Variants in SYNE1 observed in about 807,000 individuals in gnomAD.
SYNE1 encodes spectrin repeat containing nuclear envelope protein 1.
SYNE1 carries 616 observed loss-of-function variants against 1,111.0 expected under a neutral mutation model. That is an observed-to-expected ratio of 0.55 (90% CI 0.52 to 0.59). The LOEUF is 0.59. SYNE1 is among the 20% of genes least tolerant of loss of function. The pLI is 0.00. For synonymous variants in SYNE1, 3,855 were observed against 3,825.8 expected, an observed-to-expected ratio of 1.01 and a Z score of -0.28; for missense variants, 10,006 against 10,417.0, an observed-to-expected ratio of 0.96 and a Z score of 1.72.
At chr6:152,612,444 C>A (rs988144282) in intron 3 of SYNE1, among the ~76,000 whole-genome samples, 5 of 152,076 alleles carry the variant, frequency 3.3e-5, no homozygotes, top group Non-Finnish European at 7.4e-5. Flanking sequence ...AAGACTAAAT[C>A]AGGAAGAAGC....
intron 110 of SYNE1, among the ~76,000 whole-genome samples, chr6:152,235,141 T>C (rs2083703290): frequency 2.0e-5 from 3 of 152,126 alleles, no homozygotes; most frequent in Non-Finnish European, 4.4e-5. Flanking sequence ...AAATCAACCC[T>C]CCACCCCGCT....
intron 131 of SYNE1, among the ~76,000 whole-genome samples, chr6:152,163,189 G>A (rs776020532): frequency 5.9e-5 from 9 of 152,134 alleles, no homozygotes; most frequent in African/African-American, 9.7e-5. Context: ...ACTGGAGTCC[G>A]ATATACTTAG....
At chr6:152,404,420 G>A in intron 45 of SYNE1, 106 bp from the exon 46 acceptor site, 2 of 822,076 alleles carry the variant, frequency 2.4e-6, no homozygotes, top group South Asian at 2.9e-5. Context: ...CCAACTTTAA[G>A]CCAGTGTAAA....
In SYNE1 at chr6:152,502,655, C is replaced by G. The variant is rs139190745; in HGVS notation, c.866G>C (p.Ser289Thr). ...TACATCATCCTCTTGCCCATCAGTG[C>G]TTGCATTGTGGATGTCAGGATAATG... ...LKHYPDIHNASTDGQEDDEIL... is the reference protein window; with the variant it reads ...LKHYPDIHNATTDGQEDDEIL... The change falls in exon 10 of 146, where the codon AGC (serine) becomes ACC (threonine). Residue 289 changes from serine (S) to threonine (T), a missense_variant. Coordinates refer to ENST00000367255, the MANE Select transcript of SYNE1 (RefSeq NM_182961.4). 8.9e-5 allele frequency: 144 copies of G among 1,613,556 alleles called. 2 individuals are homozygous for G. The East Asian group carries it at 2.6e-3, about 29-fold the overall frequency.
rs374839445 is a variant in SYNE1 at position 152,362,281 on chromosome 6, A to C, written c.10188T>G (p.Asp3396Glu). ...TCCAACCGGAGAACTGTCGAACGCCATCCTGATAACTTGTCCACTTGGAGA... is the reference window on the plus strand; with the variant it reads ...TCCAACCGGAGAACTGTCGAACGCCCTCCTGATAACTTGTCCACTTGGAGA... ...GALSKWTSYQ[D>E]GVRQFSGWMD... The change falls in exon 64 of 146, where the codon GAT (aspartate) becomes GAG (glutamate). Residue 3396 changes from aspartate (D) to glutamate (E), a missense_variant. By Grantham distance (45) the Asp-to-Glu change is conservative. Around this residue, in one of 7 missense-constraint regions of SYNE1, gnomAD observed 4,955 missense variants for 5,017.2 expected, o/e 0.99. Transcript: ENST00000367255. 6.2e-6 allele frequency: 10 copies of C among 1,614,234 alleles called. No individual in the cohort carries two copies. The African/African-American group carries it at 1.3e-4, about 22-fold the overall frequency.
Position 152,540,007 on chromosome 6 carries a change from C to T in SYNE1, c.82G>A (p.Val28Ile), listed in dbSNP as rs772909958. ...MQRLQDEQEI[V>I]QKRTFTKWIN... ...CATTTTGTGAAAGTTCGTTTTTGTA[C>T]TATCTCTTGCTCATCTAGAAGGAAA... Residue 28 changes from valine (V) to isoleucine (I), a missense_variant, in exon 4 of 146, where the codon GTA (valine) becomes ATA (isoleucine). Physicochemically the swap from Val to Ile is conservative, Grantham distance 29. Around this residue, in one of 7 missense-constraint regions of SYNE1, gnomAD observed 1,971 missense variants for 2,084.1 expected, o/e 0.95. Transcript: ENST00000367255. 14 of 1,613,798 alleles carry T rather than the reference C, an allele frequency of 8.7e-6. No individual in the cohort carries two copies. The highest frequency in any genetic ancestry group is 3.3e-4 in the Middle Eastern group (2 of 6,058).
At chr6:152,475,113 T>C (rs796626819) in intron 14 of SYNE1, among the ~76,000 whole-genome samples, 1 of 152,230 alleles carries the variant, frequency 6.6e-6, no homozygotes, top group Non-Finnish European at 1.5e-5. Flanking sequence ...ACCTAATCAT[T>C]AAGAACATGG....
In SYNE1 at chr6:152,323,553, T is replaced by C. The variant is rs768333901; in HGVS notation, c.15842A>G (p.Asp5281Gly). The change falls in exon 82 of 146, where the codon GAT (aspartate) becomes GGT (glycine). Residue 5281 changes from aspartate to glycine, a missense_variant. Transcript: ENST00000367255. ...TTCCCCAGGGGTTGGGGCGGCTCCA[T>C]CCTGGAGCATGCTCAGGGTTTGCTG... ...LRQQTLSMLQ[D>G]GAAPTPGEEP... The C allele has an allele frequency of 1.2e-6, 2 of 1,614,098 alleles. No homozygotes were observed. Among genetic ancestry groups the C allele is most frequent in the Non-Finnish European group, 1.7e-6 (2 of 1,180,056 alleles).
chr6:152,367,671 T>C, intron 61 of SYNE1: 1 of 416,568 alleles, frequency 2.4e-6, no homozygotes, highest in South Asian at 2.3e-5. Context: ...ATGCCTTGTC[T>C]GGGAGACTGG....
intron 128 of SYNE1, among the ~76,000 whole-genome samples, chr6:152,187,415 G>T (rs774385753): frequency 6.6e-6 from 1 of 152,150 alleles, no homozygotes; most frequent in Non-Finnish European, 1.5e-5. Context: ...TAAAGTCAGA[G>T]AAAGGGTGGA....
At chr6:152,525,139 A>G (rs1225979678) in intron 5 of SYNE1, among the ~76,000 whole-genome samples, 1 of 152,208 alleles carries the variant, frequency 6.6e-6, no homozygotes, top group Non-Finnish European at 1.5e-5. Flanking sequence ...CGACTGATGC[A>G]AAATTATTAC....
intron 127 of SYNE1, among the ~76,000 whole-genome samples, chr6:152,201,617 T>C (rs374826222): frequency 2.0e-5 from 3 of 152,318 alleles, no homozygotes; most frequent in East Asian, 1.9e-4. Flanking sequence ...ATTTGCTTCC[T>C]TGGAGTAATC....
chr6:152,244,493 T>C lies in SYNE1; in HGVS notation c.19692+44A>G, dbSNP rs761728562. 5 of 1,613,476 alleles carry C rather than the reference T, an allele frequency of 3.1e-6. No individual in the cohort carries two copies. In the Admixed American group the frequency reaches 6.7e-5, roughly 22 times the overall value. ...AAGTGATTTTTTCTAGACTTCAAGT[T>C]TGATGTACCCCTGCAGCTGAATACT... On this transcript the variant is annotated intron_variant, in intron 106 of 145. Coordinates refer to ENST00000367255, the MANE Select transcript of SYNE1 (RefSeq NM_182961.4).
chr6:152,175,299 G>T (rs554646745), intron 130 of SYNE1, among the ~76,000 whole-genome samples: 1 of 152,230 alleles, frequency 6.6e-6, no homozygotes, highest in African/African-American at 2.4e-5. Context: ...GATACTTTTT[G>T]ATAACTCTCT....
chr6:152,280,555 A>G (rs1256484283), intron 97 of SYNE1, among the ~76,000 whole-genome samples: 2 of 152,208 alleles, frequency 1.3e-5, no homozygotes, highest in Admixed American at 6.5e-5. Context: ...CCTGTCTTAA[A>G]GTATGGTCAA....
chr6:152,188,942 A>G (rs1403319284), intron 128 of SYNE1, among the ~76,000 whole-genome samples: 2 of 117,226 alleles, frequency 1.7e-5, no homozygotes, highest in Non-Finnish European at 3.4e-5. Flanking sequence ...TGGGCAAAAG[A>G]GTGAGACTCT....
In SYNE1 at chr6:152,465,837, C is replaced by G. The variant is rs965859406; in HGVS notation, c.1729+145G>C. On this transcript the variant is annotated intron_variant, in intron 17 of 145. Coordinates refer to ENST00000367255, the MANE Select transcript of SYNE1 (RefSeq NM_182961.4). ...TAGGCATTGTACAAAGCCAAGGGAACTGAATCCAGTATGTGTTCTCCTGGC... is the reference window on the plus strand; with the variant it reads ...TAGGCATTGTACAAAGCCAAGGGAAGTGAATCCAGTATGTGTTCTCCTGGC... 28 of 662,846 alleles carry G rather than the reference C, an allele frequency of 4.2e-5. No individual in the cohort carries two copies. The Admixed American group carries it at 6.1e-4, about 14-fold the overall frequency. The allele number at this position is 662,846 out of a possible 1,614,324, so 41.1% of individuals were successfully genotyped here.
In SYNE1 at chr6:152,461,731, G is replaced by C; in HGVS notation, c.2260C>G (p.Gln754Glu). ...TGGGCATCCATCACAGGCACCCTCTGCTCAATATCCTGCATGAATCATTGA... is the reference window on the plus strand; with the variant it reads ...TGGGCATCCATCACAGGCACCCTCTCCTCAATATCCTGCATGAATCATTGA... ...LLIQDLEDIE[Q>E]RVPVMDAQYK... The change falls in exon 21 of 146, where the codon CAG (glutamine) becomes GAG (glutamate). Residue 754 changes from glutamine to glutamate, a missense_variant. This residue lies in a region of SYNE1 where 1,971 missense variants were observed against 2,084.1 expected (regional missense o/e 0.95). Coordinates refer to ENST00000367255, the MANE Select transcript of SYNE1 (RefSeq NM_182961.4). 1 of 1,613,906 alleles carries C rather than the reference G, an allele frequency of 6.2e-7. No homozygotes were observed. Among genetic ancestry groups the C allele is most frequent in the Non-Finnish European group, 8.5e-7 (1 of 1,179,914 alleles).
chr6:152,398,834 A>G, intron 48 of SYNE1, 103 bp from the exon 49 acceptor site: 1 of 798,960 alleles, frequency 1.3e-6, no homozygotes. Context: ...TCTGGCCTTT[A>G]GCTCATCTCC....
Sources: allele counts gnomAD v4.1 joint callset (sites outside exome capture counted in the v4.1 genomes callset), GRCh38; gene constraint gnomAD v4.1.1; regional missense constraint gnomAD v4.1.1; transcripts MANE v1.5; gene names NCBI Gene and HGNC (gene_info 2026-07-23, HGNC 2026-07-21).